Variants in TMEM232 observed in about 807,000 individuals in gnomAD.
TMEM232 encodes transmembrane protein 232.
TMEM232 carries 80 observed loss-of-function variants against 78.8 expected under a neutral mutation model. The ratio of observed to expected loss-of-function variants is 1.01; its 90% CI spans 0.85 to 1.22. The LOEUF (loss-of-function observed/expected upper bound fraction) is 1.22. TMEM232 is among the 50% of genes most tolerant of loss of function. TMEM232 has a pLI of 0.00. For missense variants in TMEM232, 881 were observed against 742.2 expected (o/e 1.19, Z -2.17); for synonymous variants, 297 against 254.3 (o/e 1.17, Z -1.60).
At chr5:110,704,727 ACCAGGGCC>A (rs1233121906) in intron 1 of TMEM232, among the ~76,000 whole-genome samples, 2 of 152,094 alleles carry the variant, frequency 1.3e-5, no homozygotes, top group Non-Finnish European at 2.9e-5. Context: ...TTAAGATACT[ACCAGGGCC>A]CCCGTTTAAG....
Position 110,470,206 on chromosome 5 carries a change from C to T in TMEM232, c.1704-45290G>A, listed in dbSNP as rs151061830. 1.9e-3 allele frequency among the ~76,000 whole-genome samples: 285 copies of T among 152,236 alleles called. 3 individuals are homozygous for T. The highest frequency in any genetic ancestry group is 4.4e-3 in the African/African-American group (184 of 41,544). Reference sequence around the variant, plus strand: ...CCCTGGACCCAAACATCTAGAAAACCTTCTCTTCCCCAGGGACGGGCCTGT... The same window carrying T: ...CCCTGGACCCAAACATCTAGAAAACTTTCTCTTCCCCAGGGACGGGCCTGT... On this transcript the variant is annotated intron_variant, in intron 12 of 13. Transcript: ENST00000455884.
chr5:110,442,774 C>A (rs557156776), intron 12 of TMEM232, among the ~76,000 whole-genome samples: 44 of 152,208 alleles, frequency 2.9e-4, no homozygotes, highest in African/African-American at 9.9e-4. Context: ...CTGGAGAAGG[C>A]TTTCCAGGTA....
chr5:110,475,445 A>T (rs201425150), intron 12 of TMEM232, among the ~76,000 whole-genome samples: 6 of 110,134 alleles, frequency 5.4e-5, no homozygotes, highest in South Asian at 3.3e-4. Flanking sequence ...TTATACTTTG[A>T]TTTTTTTTTT....
intron 2 of TMEM232, among the ~76,000 whole-genome samples, chr5:110,643,829 A>G (rs1787085653): frequency 6.6e-6 from 1 of 152,020 alleles, no homozygotes; most frequent in African/African-American, 2.4e-5. Context: ...GGCTGAACAA[A>G]GGTAATGATA....
intron 12 of TMEM232, among the ~76,000 whole-genome samples, chr5:110,475,122 G>T (rs997762138): frequency 9.2e-5 from 14 of 151,950 alleles, no homozygotes; most frequent in Admixed American, 7.2e-4. Context: ...TAAAATTATG[G>T]TATTAGTGTA....
At chr5:110,631,469 A>G (rs1785122378) in intron 5 of TMEM232, among the ~76,000 whole-genome samples, 1 of 152,078 alleles carries the variant, frequency 6.6e-6, no homozygotes, top group African/African-American at 2.4e-5. Context: ...CCCCACTTCC[A>G]CTGGTGGAGT....
At position 110,707,535 on chromosome 5, in the gene TMEM232, C is replaced by T. The variant is rs1035068187; in HGVS notation, c.-13+19092G>A. Among the ~76,000 whole-genome samples, 35 of 152,364 alleles carry T rather than the reference C, an allele frequency of 2.3e-4. 1 individual carries two copies. The East Asian group carries it at 5.8e-3, about 25-fold the overall frequency. ...AGTTTCTTGGCAAGCCTTGGCACCA[C>T]AGGCCAAAGTGCTCTGCAGTTCTAG... On this transcript the variant is annotated intron_variant, in intron 1 of 13. Transcript: ENST00000455884.
chr5:110,605,638 C>CA (rs1367015646), intron 9 of TMEM232, among the ~76,000 whole-genome samples: 1 of 151,990 alleles, frequency 6.6e-6, no homozygotes, highest in Non-Finnish European at 1.5e-5. Flanking sequence ...ATATCATATT[C>CA]AAAAGGAACC....
At chr5:110,408,001 C>T (rs952799401) in intron 2 of TMEM232, among the ~76,000 whole-genome samples, 2 of 151,508 alleles carry the variant, frequency 1.3e-5, no homozygotes, top group African/African-American at 2.4e-5. Flanking sequence ...GAAATAATTA[C>T]GAATGAAATT....
intron 11 of TMEM232, among the ~76,000 whole-genome samples, chr5:110,536,293 T>TA (rs1554102451): frequency 1.3e-5 from 2 of 151,750 alleles, no homozygotes; most frequent in Non-Finnish European, 2.9e-5. Flanking sequence ...GCCTTTTTTT[T>TA]CTTTTTCAGT....
downstream of TMEM232, among the ~76,000 whole-genome samples, chr5:110,415,191 T>A (rs1756150030): frequency 9.1e-6 from 1 of 110,078 alleles, no homozygotes; most frequent in South Asian, 3.2e-4. Flanking sequence ...TCTCTCCAAC[T>A]TTTTTTTTTT....
At chr5:110,572,228 G>A (rs1390260753) in intron 10 of TMEM232, among the ~76,000 whole-genome samples, 4 of 151,654 alleles carry the variant, frequency 2.6e-5, no homozygotes, top group Admixed American at 2.6e-4. Context: ...GGCATGGGAA[G>A]GGAGACTCTA....
At chr5:110,602,941 C>T (rs1781127069) in intron 10 of TMEM232, among the ~76,000 whole-genome samples, 1 of 152,250 alleles carries the variant, frequency 6.6e-6, no homozygotes, top group South Asian at 2.1e-4. Flanking sequence ...CACATATACA[C>T]CATGGAATAC....
chr5:110,662,622 T>C (rs1004722774), intron 2 of TMEM232, among the ~76,000 whole-genome samples: 6 of 152,004 alleles, frequency 3.9e-5, no homozygotes, highest in Non-Finnish European at 7.4e-5. Flanking sequence ...CAGTGTGGCG[T>C]TGGTGTGGAA....
intron 1 of TMEM232, among the ~76,000 whole-genome samples, chr5:110,704,739 G>A (rs554118970): frequency 1.8e-4 from 27 of 152,086 alleles, no homozygotes; most frequent in African/African-American, 3.9e-4. Flanking sequence ...CAGGGCCCCC[G>A]TTTAAGGAAA....
intron 10 of TMEM232, among the ~76,000 whole-genome samples, chr5:110,599,173 C>T (rs1780568110): frequency 6.6e-6 from 1 of 151,922 alleles, no homozygotes; most frequent in Admixed American, 6.6e-5. Flanking sequence ...GAAAGAGGCA[C>T]TAAATATGGA....
chr5:110,455,625 G>A (rs543440820), intron 12 of TMEM232, among the ~76,000 whole-genome samples: 1 of 152,086 alleles, frequency 6.6e-6, no homozygotes, highest in Admixed American at 6.5e-5. Flanking sequence ...TTATCCACCC[G>A]CCTCAGCCTC....
At chr5:110,391,370 T>C (rs900570461) in intron 3 of TMEM232, among the ~76,000 whole-genome samples, 2 of 150,054 alleles carry the variant, frequency 1.3e-5, no homozygotes, top group African/African-American at 5.0e-5. Context: ...GACATATCCA[T>C]ATCCTGCATT....
chr5:110,727,999 A>C (rs1217613589), upstream of TMEM232, among the ~76,000 whole-genome samples: 1 of 152,196 alleles, frequency 6.6e-6, no homozygotes, highest in Non-Finnish European at 1.5e-5. Context: ...GATCTAGAAA[A>C]GTGTTAAAAG....
Sources: allele counts gnomAD v4.1 joint callset (sites outside exome capture counted in the v4.1 genomes callset), GRCh38; gene constraint gnomAD v4.1.1; transcripts MANE v1.5; gene names NCBI Gene and HGNC (gene_info 2026-07-23, HGNC 2026-07-21).